The following SHISA6 variants were observed in gnomAD, a reference collection of about 807,000 sequenced individuals.
SHISA6 encodes shisa family member 6.
Under a neutral mutation model 47.9 loss-of-function variants are expected in SHISA6, and 22 were observed. That is an observed-to-expected ratio of 0.46 (90% confidence interval 0.33 to 0.66). The LOEUF is 0.66. SHISA6 is among the 30% of genes least tolerant of loss of function. SHISA6 has a pLI of 0.02. For synonymous variants in SHISA6, 388 were observed against 337.8 expected (o/e 1.15, Z -1.63); for missense variants, 680 against 764.6 (o/e 0.89, Z 1.30).
At chr17:11,293,419 G>A (rs1425644202) in intron 2 of SHISA6, among the ~76,000 whole-genome samples, 2 of 152,156 alleles carry the variant, frequency 1.3e-5, no homozygotes, top group Non-Finnish European at 2.9e-5. Flanking sequence ...CAGAGATTCG[G>A]CAGTGCCCTT....
chr17:11,452,268 T>A (rs765941519), intron 3 of SHISA6, among the ~76,000 whole-genome samples: 5 of 152,236 alleles, frequency 3.3e-5, no homozygotes, highest in Non-Finnish European at 7.3e-5. Context: ...TTATGTGTTC[T>A]GTATGTATCC....
intron 3 of SHISA6, among the ~76,000 whole-genome samples, chr17:11,470,258 A>G (rs1915904993): frequency 6.6e-6 from 1 of 152,180 alleles, no homozygotes; most frequent in Non-Finnish European, 1.5e-5. Context: ...ACTTAGAGCA[A>G]AGCCTCTACT....
intron 3 of SHISA6, among the ~76,000 whole-genome samples, chr17:11,469,714 A>G (rs1915893760): frequency 6.6e-6 from 1 of 151,988 alleles, no homozygotes; most frequent in Non-Finnish European, 1.5e-5. Context: ...TCTCCCTGAT[A>G]CCCAACAGAG....
chr17:11,500,615 C>G (rs996164288), intron 3 of SHISA6, among the ~76,000 whole-genome samples: 1 of 152,168 alleles, frequency 6.6e-6, no homozygotes, highest in Non-Finnish European at 1.5e-5. Flanking sequence ...AAGATACATC[C>G]ATAGAGAAAG....
At chr17:11,257,198 G>A (rs565883778) in intron 1 of SHISA6, among the ~76,000 whole-genome samples, 2 of 152,228 alleles carry the variant, frequency 1.3e-5, no homozygotes, top group African/African-American at 4.8e-5. Context: ...ACCGGTAATA[G>A]GGAAAACTAA....
Position 11,246,311 on chromosome 17 carries a change from A to G in SHISA6, c.638+4251A>G, listed in dbSNP as rs554734470. On this transcript the variant is annotated intron_variant, in intron 1 of 5. Coordinates refer to ENST00000441885, the MANE Select transcript of SHISA6 (RefSeq NM_207386.4). ...TGAGACCATCCTGGCTAACACGGTG[A>G]AATCCCGTCTCTACGAAAAACACAA... Among the ~76,000 whole-genome samples, 136 of 152,260 alleles carry G rather than the reference A, an allele frequency of 8.9e-4. 2 individuals carry two copies. The highest frequency in any genetic ancestry group is 3.4e-3 in the Middle Eastern group (1 of 294).
chr17:11,340,586 T>A (rs774030060), intron 2 of SHISA6, among the ~76,000 whole-genome samples: 38 of 152,152 alleles, frequency 2.5e-4, no homozygotes, highest in Non-Finnish European at 4.7e-4. Flanking sequence ...AAACCAGACT[T>A]CACCTCTTGA....
intron 3 of SHISA6, among the ~76,000 whole-genome samples, chr17:11,543,673 T>C (rs1335478294): frequency 6.6e-6 from 1 of 151,306 alleles, no homozygotes; most frequent in African/African-American, 2.4e-5. Flanking sequence ...AAAAGAAAAA[T>C]AAAGTAGGAG....
At chr17:11,345,801 C>G (rs1911684163) in intron 2 of SHISA6, among the ~76,000 whole-genome samples, 2 of 151,994 alleles carry the variant, frequency 1.3e-5, no homozygotes, top group African/African-American at 4.8e-5. Flanking sequence ...ATTTTTGTGT[C>G]TTGATCTTGT....
At chr17:11,492,072 G>A (rs1916499609) in intron 3 of SHISA6, among the ~76,000 whole-genome samples, 1 of 152,078 alleles carries the variant, frequency 6.6e-6, no homozygotes. Context: ...CCCAGCCGCT[G>A]GTGAAGGTTT....
rs576534351 is a variant in SHISA6 at position 11,283,012 on chromosome 17, G to A, written c.799+19486G>A. ...TCCAGGATAGTTTCATTGATCTAGC[G>A]AAGTGTAAAGATCATTGAATTTGGA... On this transcript the variant is annotated intron_variant, in intron 2 of 5. Transcript: ENST00000441885. 3.8e-4 allele frequency among the ~76,000 whole-genome samples: 58 copies of A among 152,258 alleles called. No individual in the cohort carries two copies. In the Middle Eastern group the frequency reaches 0.02, roughly 54 times the overall value.
At chr17:11,517,808 A>C (rs998975455) in intron 3 of SHISA6, among the ~76,000 whole-genome samples, 2 of 151,938 alleles carry the variant, frequency 1.3e-5, no homozygotes, top group African/African-American at 4.8e-5. Context: ...CTTGGCCCCA[A>C]GTTTTTATTT....
At chr17:11,513,887 G>C (rs2071561544) in intron 3 of SHISA6, among the ~76,000 whole-genome samples, 1 of 152,138 alleles carries the variant, frequency 6.6e-6, no homozygotes, top group East Asian at 1.9e-4. Flanking sequence ...ATAACTGTCA[G>C]GCAGACCAGA....
At chr17:11,352,517 C>T (rs1372291335) in intron 2 of SHISA6, among the ~76,000 whole-genome samples, 1 of 152,162 alleles carries the variant, frequency 6.6e-6, no homozygotes, top group Non-Finnish European at 1.5e-5. Flanking sequence ...CTACCATGTG[C>T]TTTTACAGTG....
At chr17:11,329,977 G>A (rs1911039320) in intron 2 of SHISA6, among the ~76,000 whole-genome samples, 2 of 148,784 alleles carry the variant, frequency 1.3e-5, no homozygotes, top group Admixed American at 6.7e-5. Flanking sequence ...CTTTTCATAT[G>A]AGTAGAATAC....
At chr17:11,430,976 G>C (rs2142289611) in intron 3 of SHISA6, among the ~76,000 whole-genome samples, 1 of 152,320 alleles carries the variant, frequency 6.6e-6, no homozygotes, top group Non-Finnish European at 1.5e-5. Context: ...GCTGGAATGG[G>C]CATTTGCTAA....
At chr17:11,534,973 C>G (rs2071772843) in intron 3 of SHISA6, among the ~76,000 whole-genome samples, 1 of 151,764 alleles carries the variant, frequency 6.6e-6, no homozygotes, top group Non-Finnish European at 1.5e-5. Flanking sequence ...ACTAAAAATA[C>G]AAAAATTAGC....
intron 2 of SHISA6, among the ~76,000 whole-genome samples, chr17:11,332,285 C>T (rs1289307477): frequency 6.6e-6 from 1 of 151,978 alleles, no homozygotes; most frequent in African/African-American, 2.4e-5. Flanking sequence ...TTACCTTCCT[C>T]AGCTGGGTGA....
chr17:11,320,318 C>T lies in SHISA6; in HGVS notation c.799+56792C>T, dbSNP rs1215423265. Among the ~76,000 whole-genome samples the T allele has an allele frequency of 6.6e-5, 10 of 152,120 alleles. No individual in the cohort carries two copies. The East Asian group carries it at 1.9e-3, about 29-fold the overall frequency. On this transcript the variant is annotated intron_variant, in intron 2 of 5. Coordinates refer to ENST00000441885, the MANE Select transcript of SHISA6 (RefSeq NM_207386.4). ...AAGCAATAGGTCTTAATTCCCCAGT[C>T]TGTAATTCCCTGGTGTTTGTGCATG... is the stretch of plus-strand genomic sequence containing the variant.
Sources: allele counts gnomAD v4.1 joint callset (sites outside exome capture counted in the v4.1 genomes callset), GRCh38; gene constraint gnomAD v4.1.1; transcripts MANE v1.5; gene names NCBI Gene and HGNC (gene_info 2026-07-23, HGNC 2026-07-21).